Variants in NCKAP5 observed in about 807,000 individuals in gnomAD.
NCKAP5 encodes the protein NCK associated protein 5, also known as nck-associated protein 5.
NCKAP5 carries 92 observed loss-of-function variants against 167.0 expected under a neutral mutation model. The observed-to-expected ratio is 0.55, with a 90% CI of 0.47 to 0.66. The LOEUF (loss-of-function observed/expected upper bound fraction) is 0.66, where lower values mean the gene tolerates loss of function less well. Among genes scored for constraint, NCKAP5 ranks in the 30% least tolerant of loss-of-function variants. NCKAP5 has a pLI of 0.00. For missense variants in NCKAP5, 2,378 were observed against 2,315.0 expected, an observed-to-expected ratio of 1.03 and a Z score of -0.56; for synonymous variants, 891 against 877.4, an observed-to-expected ratio of 1.02 and a Z score of -0.27.
At chr2:132,823,319 T>C (rs1236820032) in intron 11 of NCKAP5, among the ~76,000 whole-genome samples, 2 of 152,078 alleles carry the variant, frequency 1.3e-5, no homozygotes, top group African/African-American at 2.4e-5. Flanking sequence ...AGATAATCTA[T>C]ACATGAAAAC....
intron 1 of NCKAP5, among the ~76,000 whole-genome samples, chr2:133,565,063 C>T (rs569765206): frequency 6.6e-6 from 1 of 152,288 alleles, no homozygotes; most frequent in African/African-American, 2.4e-5. Context: ...AAAAGCTGCT[C>T]ACAGGACAGG....
chr2:133,553,788 T>C (rs180851770), intron 2 of NCKAP5, among the ~76,000 whole-genome samples: 36 of 152,364 alleles, frequency 2.4e-4, no homozygotes, highest in Admixed American at 7.2e-4. Context: ...AAATGAGTTA[T>C]ATACAGAAAT....
At chr2:132,819,736 G>A (rs1355071420) in intron 11 of NCKAP5, among the ~76,000 whole-genome samples, 1 of 152,096 alleles carries the variant, frequency 6.6e-6, no homozygotes, top group Admixed American at 6.5e-5. Flanking sequence ...GGATGGGATG[G>A]AAAGTGGAAG....
At chr2:132,989,307 T>C (rs906096460) in intron 7 of NCKAP5, among the ~76,000 whole-genome samples, 1 of 152,204 alleles carries the variant, frequency 6.6e-6, no homozygotes, top group Non-Finnish European at 1.5e-5. Context: ...CTAATTGTAA[T>C]TTTTTTCTAA....
chr2:133,660,864 T>C, the NCKAP5 span, among the ~76,000 whole-genome samples: 7 of 151,952 alleles, frequency 4.6e-5, no homozygotes, highest in South Asian at 2.1e-4. Flanking sequence ...TTTTGAACTT[T>C]CCTTGGCACC....
At chr2:132,883,054 T>C (rs1691896596) in intron 8 of NCKAP5, among the ~76,000 whole-genome samples, 1 of 151,868 alleles carries the variant, frequency 6.6e-6, no homozygotes, top group South Asian at 2.1e-4. Context: ...AAATAAAAAT[T>C]AGCCAGGTGT....
chr2:132,824,901 T>C (rs954234188), intron 11 of NCKAP5, among the ~76,000 whole-genome samples: 1 of 152,158 alleles, frequency 6.6e-6, no homozygotes, highest in Admixed American at 6.5e-5. Context: ...GAGAAAGAAA[T>C]AGACTTTTGT....
the NCKAP5 span, among the ~76,000 whole-genome samples, chr2:133,662,951 C>CTTAAT: frequency 0.016 from 2,459 of 151,984 alleles, 69 homozygotes; most frequent in African/African-American, 0.056. Flanking sequence ...ATGTGTATAT[C>CTTAAT]TTAAAGATAT....
chr2:132,929,520 A>G (rs1217865579), intron 8 of NCKAP5, among the ~76,000 whole-genome samples: 1 of 152,262 alleles, frequency 6.6e-6, no homozygotes, highest in African/African-American at 2.4e-5. Flanking sequence ...TTTTGGGAGT[A>G]CAATTTAAGA....
intron 7 of NCKAP5, among the ~76,000 whole-genome samples, chr2:132,969,670 T>C (rs1214011581): frequency 6.6e-6 from 1 of 152,168 alleles, no homozygotes; most frequent in Non-Finnish European, 1.5e-5. Flanking sequence ...ACACAGATCC[T>C]TGCAGCTGGA....
intron 5 of NCKAP5, among the ~76,000 whole-genome samples, chr2:133,137,260 C>T (rs942338703): frequency 1.3e-5 from 2 of 151,972 alleles, no homozygotes; most frequent in African/African-American, 4.8e-5. Flanking sequence ...TTTAAAAACC[C>T]GTACTCTTGG....
chr2:132,760,784 T>C (rs900897026), intron 16 of NCKAP5, among the ~76,000 whole-genome samples: 8 of 152,180 alleles, frequency 5.3e-5, no homozygotes, highest in African/African-American at 1.9e-4. Flanking sequence ...TTATGGAAAA[T>C]GTCAAATGTA....
chr2:133,202,471 G>T (rs1181073257), intron 5 of NCKAP5, among the ~76,000 whole-genome samples: 1 of 152,124 alleles, frequency 6.6e-6, no homozygotes, highest in Non-Finnish European at 1.5e-5. Flanking sequence ...CAGGACATAG[G>T]CATGGACAAG....
intron 3 of NCKAP5, among the ~76,000 whole-genome samples, chr2:133,379,338 C>T (rs1023114002): frequency 6.6e-6 from 1 of 152,118 alleles, no homozygotes; most frequent in Non-Finnish European, 1.5e-5. Context: ...GAATCATTCT[C>T]GGAGAGACAA....
At chr2:132,865,753 T>C (rs1472106715) in intron 10 of NCKAP5, among the ~76,000 whole-genome samples, 1 of 152,142 alleles carries the variant, frequency 6.6e-6, no homozygotes, top group African/African-American at 2.4e-5. Context: ...AGCGTGGGGT[T>C]TACAGTGCAA....
chr2:133,592,086 G>A, the NCKAP5 span, among the ~76,000 whole-genome samples: 1 of 149,972 alleles, frequency 6.7e-6, no homozygotes, highest in African/African-American at 2.4e-5. Flanking sequence ...ACACACACAG[G>A]GGTATGAAAC....
intron 8 of NCKAP5, among the ~76,000 whole-genome samples, chr2:132,946,364 C>G (rs185884595): frequency 6.6e-6 from 1 of 152,190 alleles, no homozygotes; most frequent in East Asian, 1.9e-4. Context: ...GGTGAAGATC[C>G]AGATTCAATT....
intron 8 of NCKAP5, among the ~76,000 whole-genome samples, chr2:132,884,843 C>T (rs902688134): frequency 2.6e-5 from 4 of 152,188 alleles, no homozygotes; most frequent in Non-Finnish European, 5.9e-5. Context: ...ATCTACACCT[C>T]GCTCCTACCC....
the NCKAP5 span, among the ~76,000 whole-genome samples, chr2:133,616,859 C>T: frequency 5.9e-5 from 9 of 152,202 alleles, no homozygotes; most frequent in South Asian, 1.2e-3. Flanking sequence ...AAAAAGAGAA[C>T]TTTAGACCAA....
Sources: allele counts gnomAD v4.1 joint callset (sites outside exome capture counted in the v4.1 genomes callset), GRCh38; gene constraint gnomAD v4.1.1; transcripts MANE v1.5; gene names NCBI Gene and HGNC (gene_info 2026-07-23, HGNC 2026-07-21).